Variants in NKAIN2 observed in about 807,000 individuals in gnomAD.
The protein encoded by NKAIN2 is sodium/potassium-transporting ATPase subunit beta-1-interacting protein 2.
NKAIN2 carries 14 observed loss-of-function variants against 32.6 expected under a neutral mutation model. The ratio of observed to expected loss-of-function variants is 0.43; its 90% CI spans 0.28 to 0.67. The LOEUF (loss-of-function observed/expected upper bound fraction) is 0.67. Ranked by LOEUF, NKAIN2 falls within the 30% of genes least tolerant of loss-of-function variation. The pLI is 0.17. For missense variants in NKAIN2, 198 were observed against 258.3 expected, an observed-to-expected ratio of 0.77 and a Z score of 1.60; for synonymous variants, 80 against 87.2, an observed-to-expected ratio of 0.92 and a Z score of 0.46.
At chr6:123,889,853 TA>T (rs1444719068) in intron 1 of NKAIN2, among the ~76,000 whole-genome samples, 1 of 152,170 alleles carries the variant, frequency 6.6e-6, no homozygotes, top group Non-Finnish European at 1.5e-5. Flanking sequence ...AATTTAAAAA[TA>T]AAACCAGAAC....
chr6:123,893,327 A>C (rs1456421019), intron 1 of NKAIN2, among the ~76,000 whole-genome samples: 1 of 152,148 alleles, frequency 6.6e-6, no homozygotes, highest in Admixed American at 6.5e-5. Flanking sequence ...CAGCCTCCCA[A>C]GTAGCTAGGA....
intron 4 of NKAIN2, among the ~76,000 whole-genome samples, chr6:124,673,956 C>A (rs1365367038): frequency 6.6e-6 from 1 of 151,952 alleles, no homozygotes; most frequent in African/African-American, 2.4e-5. Context: ...ATTACCAAAA[C>A]CAATGCTATG....
At chr6:123,876,476 A>G (rs998320861) in intron 1 of NKAIN2, among the ~76,000 whole-genome samples, 1 of 152,168 alleles carries the variant, frequency 6.6e-6, no homozygotes, top group African/African-American at 2.4e-5. Context: ...ACAAGATTTT[A>G]TAAAGGATTT....
intron 3 of NKAIN2, among the ~76,000 whole-genome samples, chr6:124,518,434 G>T (rs1007185090): frequency 2.0e-5 from 3 of 152,062 alleles, no homozygotes; most frequent in Non-Finnish European, 4.4e-5. Context: ...TTGGCTTAGG[G>T]TTCTGTAGGC....
intron 5 of NKAIN2, among the ~76,000 whole-genome samples, chr6:124,805,686 A>C (rs1216967048): frequency 6.6e-6 from 1 of 152,124 alleles, no homozygotes; most frequent in Non-Finnish European, 1.5e-5. Flanking sequence ...AGATGATCAA[A>C]CTACGAGCTA....
intron 4 of NKAIN2, among the ~76,000 whole-genome samples, chr6:124,745,972 G>T (rs1190063330): frequency 1.3e-5 from 2 of 151,842 alleles, no homozygotes; most frequent in African/African-American, 4.8e-5. Flanking sequence ...TCCAGTTTCA[G>T]GTATCAATGA....
Position 123,943,675 on chromosome 6 carries a change from T to A in NKAIN2, c.54+139421T>A, listed in dbSNP as rs190384763. ...TTGCACTGTACTGCTAGTCTTTTTC[T>A]ATGAAAAGTCACCTTGAGCTTAATA... is the stretch of plus-strand genomic sequence containing the variant. On this transcript the variant is annotated intron_variant, in intron 1 of 6. Transcript: ENST00000368417. Among the ~76,000 whole-genome samples, 7 of 152,212 alleles carry A rather than the reference T, an allele frequency of 4.6e-5. 1 individual carries two copies. In the East Asian group the frequency reaches 1.4e-3, roughly 29 times the overall value.
At chr6:124,723,820 A>C (rs527368694) in intron 4 of NKAIN2, among the ~76,000 whole-genome samples, 1 of 152,326 alleles carries the variant, frequency 6.6e-6, no homozygotes, top group South Asian at 2.1e-4. Flanking sequence ...TAGATTTATA[A>C]AATCATGTAT....
At chr6:124,807,857 T>A (rs1451566902) in intron 5 of NKAIN2, among the ~76,000 whole-genome samples, 2 of 150,756 alleles carry the variant, frequency 1.3e-5, no homozygotes, top group Non-Finnish European at 3.0e-5. Context: ...TACAAACACC[T>A]GTACACAAAT....
At chr6:124,205,710 G>T (rs867673648) in intron 1 of NKAIN2, among the ~76,000 whole-genome samples, 15 of 121,370 alleles carry the variant, frequency 1.2e-4, no homozygotes, top group African/African-American at 4.3e-4. Context: ...GAACTCAAGG[G>T]CATGGATCTA....
intron 3 of NKAIN2, among the ~76,000 whole-genome samples, chr6:124,570,058 G>A (rs894039614): frequency 1.3e-5 from 2 of 152,148 alleles, no homozygotes; most frequent in Non-Finnish European, 2.9e-5. Context: ...TTATATTTTA[G>A]CAAAGAGACA....
chr6:124,079,572 GATA>G (rs1477093481), intron 1 of NKAIN2, among the ~76,000 whole-genome samples: 1 of 152,130 alleles, frequency 6.6e-6, no homozygotes, highest in Non-Finnish European at 1.5e-5. Context: ...TATAGCCTTT[GATA>G]ATAAGGTGAT....
At chr6:124,720,260 A>G (rs1237538263) in intron 4 of NKAIN2, among the ~76,000 whole-genome samples, 1 of 152,166 alleles carries the variant, frequency 6.6e-6, no homozygotes, top group Admixed American at 6.5e-5. Flanking sequence ...ACTTCTTGCA[A>G]AGACCCACAC....
intron 1 of NKAIN2, among the ~76,000 whole-genome samples, chr6:124,050,008 C>T (rs1782330989): frequency 6.6e-6 from 1 of 151,894 alleles, no homozygotes; most frequent in Admixed American, 6.6e-5. Context: ...TAAGAACAAA[C>T]CTATCCATGA....
At chr6:124,202,722 A>G (rs1466978446) in intron 1 of NKAIN2, among the ~76,000 whole-genome samples, 1 of 151,954 alleles carries the variant, frequency 6.6e-6, no homozygotes, top group Non-Finnish European at 1.5e-5. Flanking sequence ...ACAGCTGGAC[A>G]CGTTACCCCT....
intron 1 of NKAIN2, among the ~76,000 whole-genome samples, chr6:124,136,756 CAT>C (rs1786812550): frequency 6.6e-6 from 1 of 152,072 alleles, no homozygotes; most frequent in Non-Finnish European, 1.5e-5. Flanking sequence ...AAACAAAAAT[CAT>C]GTGGTCATCT....
intron 3 of NKAIN2, among the ~76,000 whole-genome samples, chr6:124,542,846 A>G (rs925505059): frequency 6.6e-6 from 1 of 152,216 alleles, no homozygotes; most frequent in Admixed American, 6.5e-5. Flanking sequence ...AAACCTGGTT[A>G]GAAAAAGATA....
chr6:124,468,662 C>T (rs2814784), intron 3 of NKAIN2, among the ~76,000 whole-genome samples: 1 of 151,842 alleles, frequency 6.6e-6, no homozygotes, highest in Non-Finnish European at 1.5e-5. Flanking sequence ...AATATAATGG[C>T]TCTATTAATT....
intron 1 of NKAIN2, among the ~76,000 whole-genome samples, chr6:124,065,679 TG>T (rs1256117901): frequency 6.6e-6 from 1 of 152,140 alleles, no homozygotes; most frequent in Non-Finnish European, 1.5e-5. Context: ...AAATTTCTAT[TG>T]TTTATAGATT....
Sources: allele counts gnomAD v4.1 joint callset (sites outside exome capture counted in the v4.1 genomes callset), GRCh38; gene constraint gnomAD v4.1.1; transcripts MANE v1.5; gene names NCBI Gene and HGNC (gene_info 2026-07-23, HGNC 2026-07-21).